The following HSF2BP variants were observed in gnomAD, a reference collection of about 807,000 sequenced individuals.
The protein encoded by HSF2BP is heat shock transcription factor 2 binding protein, also known as heat shock factor 2-binding protein.
HSF2BP carries 35 observed loss-of-function variants against 35.0 expected under a neutral mutation model. The observed-to-expected ratio is 1.00, with a 90% confidence interval of 0.76 to 1.32. The LOEUF (loss-of-function observed/expected upper bound fraction) is 1.32, where lower values mean the gene tolerates loss of function less well. Among genes scored for constraint, HSF2BP ranks in the 40% most tolerant of loss-of-function variants. HSF2BP has a pLI of 0.00. For synonymous variants in HSF2BP, 114 were observed against 117.4 expected, an observed-to-expected ratio of 0.97 and a Z score of 0.18; for missense variants, 326 against 321.7, an observed-to-expected ratio of 1.01 and a Z score of -0.10.
intron 4 of HSF2BP, among the ~76,000 whole-genome samples, chr21:43,642,681 T>G (rs1398939881): frequency 2.0e-5 from 3 of 152,172 alleles, no homozygotes. Flanking sequence ...GGGTAAAATA[T>G]TCCCACATTT....
chr21:43,632,873 A>ATG (rs906764497), intron 5 of HSF2BP, among the ~76,000 whole-genome samples: 5 of 92,234 alleles, frequency 5.4e-5, no homozygotes, highest in Non-Finnish European at 1.1e-4. Flanking sequence ...CTGCATCTAT[A>ATG]TGTATGTGTG....
the HSF2BP span, among the ~76,000 whole-genome samples, chr21:43,467,899 ACACACG>A: frequency 3.5e-5 from 4 of 113,820 alleles, no homozygotes; most frequent in Non-Finnish European, 5.5e-5. Flanking sequence ...CACACACCAC[ACACACG>A]CACCACACAC....
intron 7 of HSF2BP, among the ~76,000 whole-genome samples, chr21:43,596,399 C>T (rs1391516505): frequency 6.6e-6 from 1 of 152,062 alleles, no homozygotes; most frequent in Non-Finnish European, 1.5e-5. Flanking sequence ...CACACACACA[C>T]ACACACACAC....
chr21:43,579,419 C>T (rs1439854338), intron 8 of HSF2BP, among the ~76,000 whole-genome samples: 1 of 152,298 alleles, frequency 6.6e-6, no homozygotes, highest in African/African-American at 2.4e-5. Context: ...GCCACAGATG[C>T]CACCGTCTAA....
chr21:43,577,277 A>G (rs1178857388), intron 8 of HSF2BP, among the ~76,000 whole-genome samples: 1 of 152,168 alleles, frequency 6.6e-6, no homozygotes, highest in Non-Finnish European at 1.5e-5. Flanking sequence ...CGCCTTCTTT[A>G]TTTCCCTTTA....
the HSF2BP span, among the ~76,000 whole-genome samples, chr21:43,467,960 T>C: frequency 0.93 from 95,336 of 102,656 alleles, 44,039 homozygotes; most frequent in East Asian, 0.99. Context: ...ACACCACACT[T>C]ACACCACACA....
rs1325145921 is a variant in HSF2BP, at chr21:43,582,280, G to C, written c.796+9945C>G. On this transcript the variant is annotated intron_variant, in intron 8 of 8. Transcript: ENST00000291560. ...TGAGTGCCTGCTGAGGGGGATGAAG[G>C]CCTGCTGAGGGGGATGAAGACCTGC... 4.4e-5 allele frequency among the ~76,000 whole-genome samples: 6 copies of C among 134,978 alleles called. No homozygotes were observed. The East Asian group carries it at 9.1e-4, about 20-fold the overall frequency. 88.6% of individuals were successfully genotyped at this position (134,978 alleles called of 152,430 possible).
At chr21:43,645,131 C>T (rs17004592) in intron 3 of HSF2BP, among the ~76,000 whole-genome samples, 6,245 of 152,196 alleles carry the variant, frequency 0.041, 439 homozygotes, top group African/African-American at 0.14. Context: ...GCTAGGAAAT[C>T]ATCAGTTTTT....
Position 43,644,335 on chromosome 21 carries a change from T to A in HSF2BP, c.245A>T (p.Lys82Ile). ...GGCCTGCACGGTTTCCAGGCGGGCT[T>A]TAAAGTGCTCACAATCCATTTTCAG... ...EQLKMDCEHF[K>I]ARLETVQADN... The change falls in exon 4 of 9, where the codon AAA becomes ATA. Residue 82 changes from lysine (K) to isoleucine (I), a missense_variant. By Grantham distance (102) the Lys-to-Ile change is moderately radical (BLOSUM62 -3). Transcript: ENST00000291560. 1 of 1,614,206 alleles carries A rather than the reference T, an allele frequency of 6.2e-7. No individual in the cohort carries two copies. Among genetic ancestry groups the A allele is most frequent in the Non-Finnish European group, 8.5e-7 (1 of 1,180,016 alleles).
At chr21:43,603,474 C>A (rs2082076196) in intron 7 of HSF2BP, among the ~76,000 whole-genome samples, 1 of 152,260 alleles carries the variant, frequency 6.6e-6, no homozygotes, top group African/African-American at 2.4e-5. Context: ...CTGCCAGGGG[C>A]ATGCCACCAG....
intron 7 of HSF2BP, among the ~76,000 whole-genome samples, chr21:43,600,503 T>G (rs2082038870): frequency 6.6e-6 from 1 of 152,188 alleles, no homozygotes; most frequent in Non-Finnish European, 1.5e-5. Context: ...ACAGCAATAT[T>G]ACATTTTTAG....
chr21:43,653,862 C>A (rs978643968), intron 3 of HSF2BP, among the ~76,000 whole-genome samples: 1 of 151,966 alleles, frequency 6.6e-6, no homozygotes, highest in Non-Finnish European at 1.5e-5. Context: ...GACTTACTAG[C>A]GGACAGGTTT....
At chr21:43,642,277 C>T (rs1271490136) in intron 4 of HSF2BP, among the ~76,000 whole-genome samples, 2 of 152,134 alleles carry the variant, frequency 1.3e-5, no homozygotes, top group Admixed American at 6.5e-5. Flanking sequence ...GGAGGAGGAT[C>T]GCTTAAGCCC....
At chr21:43,586,235 T>C (rs1305172444) in intron 8 of HSF2BP, among the ~76,000 whole-genome samples, 1 of 152,130 alleles carries the variant, frequency 6.6e-6, no homozygotes, top group Non-Finnish European at 1.5e-5. Context: ...ATGTGAAGAA[T>C]GTGGACAAAG....
In HSF2BP at chr21:43,630,404, A is replaced by G. The variant is rs1445286467; in HGVS notation, c.492T>C (p.Phe164=). 5 of 1,613,570 alleles carry G rather than the reference A, an allele frequency of 3.1e-6. No individual in the cohort carries two copies. In the Admixed American group the frequency reaches 6.7e-5, roughly 22 times the overall value. Residue 164 remains phenylalanine, a synonymous_variant, in exon 6 of 9, where the codon TTT becomes TTC. Transcript: ENST00000291560. ...GGACATCACCGTCTAACGACTTCAC[A>G]AAACTCTCCATTGTTTGACCAGTGA... ...FSITGQTMES[F]VKSLDGDVQE... is the part of the protein sequence containing the mutation.
chr21:43,595,523 T>C (rs1374023632), intron 7 of HSF2BP, among the ~76,000 whole-genome samples: 1 of 151,724 alleles, frequency 6.6e-6, no homozygotes, highest in African/African-American at 2.4e-5. Flanking sequence ...CTGGGCATGA[T>C]GGCACGCCCC....
At chr21:43,643,568 T>C (rs1004299384) in intron 4 of HSF2BP, among the ~76,000 whole-genome samples, 1 of 152,194 alleles carries the variant, frequency 6.6e-6, no homozygotes, top group Non-Finnish European at 1.5e-5. Flanking sequence ...TCTGTCATGA[T>C]TTGAAGCAGC....
intron 4 of HSF2BP, among the ~76,000 whole-genome samples, chr21:43,636,195 GA>G (rs1255619474): frequency 3.1e-5 from 3 of 95,408 alleles, no homozygotes; most frequent in Non-Finnish European, 6.2e-5. Context: ...TCTCAAGAAA[GA>G]AAAAAAAGAA....
rs1472831704 is a variant in HSF2BP at position 43,658,146 on chromosome 21, A to G, written c.-50T>C. 1 of 1,486,008 alleles carries G rather than the reference A, an allele frequency of 6.7e-7. No homozygotes were observed. The highest frequency in any genetic ancestry group is 2.3e-5 in the Admixed American group (1 of 43,194). 92.1% of individuals were successfully genotyped at this position (1,486,008 alleles called of 1,614,324 possible). The stretch of plus-strand genomic sequence containing the variant: ...CGCCTGAGCGTCGGCGCGCCCTCTG[A>G]CCCCTCACGCCAGAAAGCGCGGGAA... On this transcript the variant is annotated 5_prime_UTR_variant, in exon 2 of 9. Transcript: ENST00000291560.
Sources: allele counts gnomAD v4.1 joint callset (sites outside exome capture counted in the v4.1 genomes callset), GRCh38; gene constraint gnomAD v4.1.1; transcripts MANE v1.5; gene names NCBI Gene and HGNC (gene_info 2026-07-23, HGNC 2026-07-21).